Variants in ARID2 observed in about 807,000 individuals in gnomAD.
The protein encoded by ARID2 is AT-rich interactive domain-containing protein 2.
In ARID2, 32 loss-of-function variants were observed where a neutral mutation model predicts 184.6. The observed-to-expected ratio is 0.17, with a 90% CI of 0.13 to 0.23. The LOEUF is 0.23. Ranked by LOEUF, ARID2 falls within the 10% of genes least tolerant of loss-of-function variation. ARID2 has a pLI of 1.00. For synonymous variants in ARID2, 836 were observed against 772.6 expected (o/e 1.08, Z -1.36); for missense variants, 1,696 against 2,197.6 (o/e 0.77, Z 4.56).
chr12:45,734,016 A>G (rs563650586), intron 3 of ARID2, among the ~76,000 whole-genome samples: 12 of 152,348 alleles, frequency 7.9e-5, no homozygotes, highest in African/African-American at 2.9e-4. Flanking sequence ...GTGTACCCAC[A>G]AAAATTAAAA....
intron 3 of ARID2, among the ~76,000 whole-genome samples, chr12:45,782,291 A>T (rs1250142732): frequency 6.6e-6 from 1 of 152,138 alleles, no homozygotes; most frequent in African/African-American, 2.4e-5. Flanking sequence ...GGAGGAGATT[A>T]AAAAAATGAG....
At chr12:45,825,105 G>C (rs937269023) in intron 6 of ARID2, among the ~76,000 whole-genome samples, 1 of 151,890 alleles carries the variant, frequency 6.6e-6, no homozygotes, top group Non-Finnish European at 1.5e-5. Context: ...AGAGGGTGAT[G>C]TACAAAGAGA....
intron 3 of ARID2, among the ~76,000 whole-genome samples, chr12:45,790,244 A>G (rs1942271112): frequency 6.6e-6 from 1 of 152,142 alleles, no homozygotes; most frequent in Admixed American, 6.6e-5. Context: ...ATGATGCTTA[A>G]AAATACCTTA....
At position 45,824,514 on chromosome 12, in the gene ARID2, A is replaced by G. The variant is rs144508222; in HGVS notation, c.705+3027A>G. Among the ~76,000 whole-genome samples the G allele has an allele frequency of 7.2e-4, 110 of 152,218 alleles. No individual in the cohort carries two copies. The Middle Eastern group carries it at 0.017, about 24-fold the overall frequency. ...AAAGACTTACAAATGGCCAAAATAT[A>G]TATGAAAAATTGCTCAACATCACTA... On this transcript the variant is annotated intron_variant, in intron 6 of 20. Transcript: ENST00000334344.
At position 45,851,940 on chromosome 12, in the gene ARID2, CGAG is replaced by C. The variant is rs756380287; in HGVS notation, c.3821_3823del (p.Gly1274del). 29 of 1,613,986 alleles carry C rather than the reference CGAG, an allele frequency of 1.8e-5. No individual in the cohort carries two copies. Among genetic ancestry groups the C allele is most frequent in the Non-Finnish European group, 2.2e-5 (26 of 1,180,012 alleles). On this transcript the variant is annotated inframe_deletion, in exon 15 of 21. Transcript: ENST00000334344. ...AGTCATGGAGAACCCGTCCTGCCGA[CGAG>C]GAGCCACAAACACCAGCAATGGGGA...
intron 3 of ARID2, among the ~76,000 whole-genome samples, chr12:45,770,836 G>A (rs541256919): frequency 6.6e-6 from 1 of 152,280 alleles, no homozygotes; most frequent in East Asian, 1.9e-4. Context: ...TCAGAGAAAA[G>A]TGCACCAAAT....
intron 15 of ARID2, among the ~76,000 whole-genome samples, chr12:45,853,592 A>G (rs756416723): frequency 6.6e-6 from 1 of 152,216 alleles, no homozygotes; most frequent in Non-Finnish European, 1.5e-5. Flanking sequence ...CAATCAGGCT[A>G]TGAGGATTTT....
At chr12:45,770,644 C>T (rs576516108) in intron 3 of ARID2, among the ~76,000 whole-genome samples, 3 of 152,330 alleles carry the variant, frequency 2.0e-5, no homozygotes, top group East Asian at 3.9e-4. Context: ...AGTGGTCCCT[C>T]TCTCAGTGTG....
chr12:45,813,473 A>C (rs1592092825), intron 4 of ARID2, among the ~76,000 whole-genome samples: 1 of 151,398 alleles, frequency 6.6e-6, no homozygotes, highest in African/African-American at 2.4e-5. Context: ...AAAAAAAAAA[A>C]ACCACCAAAA....
chr12:45,731,046 AAC>A (rs934621660), intron 2 of ARID2, among the ~76,000 whole-genome samples, 169 bp from the exon 3 acceptor site: 5 of 151,902 alleles, frequency 3.3e-5, no homozygotes, highest in African/African-American at 9.7e-5. Flanking sequence ...CTCTGGTGAA[AAC>A]ACAGTGATTC....
At chr12:45,900,938 A>C (rs996749557) in intron 20 of ARID2, among the ~76,000 whole-genome samples, 2 of 149,002 alleles carry the variant, frequency 1.3e-5, no homozygotes, top group East Asian at 3.9e-4. Flanking sequence ...TGATCTCTTT[A>C]TTTCTGAATA....
At chr12:45,781,502 C>G (rs1253828569) in intron 3 of ARID2, among the ~76,000 whole-genome samples, 4 of 149,220 alleles carry the variant, frequency 2.7e-5, no homozygotes, top group Non-Finnish European at 3.0e-5. Flanking sequence ...TACTTGCTAG[C>G]CTTCCGGTAA....
chr12:45,733,100 C>T (rs547586140), intron 3 of ARID2, among the ~76,000 whole-genome samples: 1 of 152,146 alleles, frequency 6.6e-6, no homozygotes, highest in South Asian at 2.1e-4. Context: ...ACTTGTTTTT[C>T]CTCCATATGT....
rs202093863 is a variant in ARID2 at position 45,851,561 on chromosome 12, G to A, written c.3438G>A (p.Ser1146=). 742 of 1,614,056 alleles carry A rather than the reference G, an allele frequency of 4.6e-4. No homozygotes were observed. Among genetic ancestry groups the A allele is most frequent in the Non-Finnish European group, 5.8e-4 (686 of 1,179,982 alleles). The part of the protein sequence containing the change: ...PSGGVQTVPI[S]NLQILPGPLI... ...GGGGAGTACAAACTGTGCCCATTTC[G>A]AACTTACAAATATTGCCAGGTCCAC... The change falls in exon 15 of 21, where the codon TCG becomes TCA. Residue 1146 remains serine (S), a synonymous_variant. Coordinates refer to ENST00000334344, the MANE Select transcript of ARID2 (RefSeq NM_152641.4).
rs954044630 is a variant in ARID2, at chr12:45,904,378, C to T, written c.5364-556C>T. The T allele has an allele frequency of 4.2e-6, 3 of 715,484 alleles. No individual in the cohort carries two copies. The African/African-American group carries it at 5.3e-5, about 13-fold the overall frequency. 44.3% of individuals were successfully genotyped at this position (715,484 alleles called of 1,614,324 possible). A position where few individuals can be genotyped will look rare whatever the true frequency, so the allele number is the denominator to read the frequency against. On this transcript the variant is annotated intron_variant, in intron 20 of 20. Transcript: ENST00000334344. ...AAGATTGAAAAAGAATTTTGCTGTG[C>T]AGCCTTCCATATTTAGAAAGGTACT...
In ARID2 at chr12:45,851,535, G is replaced by A. The variant is rs776448384; in HGVS notation, c.3412G>A (p.Gly1138Arg). The change falls in exon 15 of 21, where the codon GGG becomes AGG. Residue 1138 changes from glycine to arginine, a missense_variant. By Grantham distance (125) the Gly-to-Arg change is moderately radical. Transcript: ENST00000334344. Reference sequence around the variant, plus strand: ...GGTCCCAAGTGCAATGCCACCCTCAGGGGGAGTACAAACTGTGCCCATTTC... The same window carrying A: ...GGTCCCAAGTGCAATGCCACCCTCAAGGGGAGTACAAACTGTGCCCATTTC... ...QLVPSAMPPS[G>R]GVQTVPISNL... The A allele has an allele frequency of 6.2e-7, 1 of 1,614,098 alleles. No individual in the cohort carries two copies. Among genetic ancestry groups the A allele is most frequent in the African/African-American group, 1.3e-5 (1 of 75,022 alleles).
At chr12:45,812,677 G>A (rs949165125) in intron 4 of ARID2, among the ~76,000 whole-genome samples, 5 of 152,144 alleles carry the variant, frequency 3.3e-5, no homozygotes, top group African/African-American at 9.7e-5. Flanking sequence ...ATAAAATGGG[G>A]TGACTTGTTA....
Position 45,893,728 on chromosome 12 carries a change from AAT to A in ARID2, c.5363+10_5363+11del, listed in dbSNP as rs367554746. On this transcript the variant is annotated splice_region_variant and intron_variant, in intron 20 of 20. Coordinates refer to ENST00000334344, the MANE Select transcript of ARID2 (RefSeq NM_152641.4). ...ATTCAGAATGTGGTCGCAGGTGAGT[AAT>A]ATGTTTTCTGTAGCCAAAGTGAATT... is the stretch of plus-strand genomic sequence containing the variant. 2 of 1,559,678 alleles carry A rather than the reference AAT, an allele frequency of 1.3e-6. No homozygotes were observed. Among genetic ancestry groups the A allele is most frequent in the African/African-American group, 1.4e-5 (1 of 72,442 alleles).
chr12:45,817,959 A>G, intron 5 of ARID2, 71 bp downstream of exon 5: 1 of 1,220,178 alleles, frequency 8.2e-7, no homozygotes, highest in Non-Finnish European at 1.1e-6. Context: ...TTAAGGAGAA[A>G]GTACTTTTTG....
Sources: allele counts gnomAD v4.1 joint callset (sites outside exome capture counted in the v4.1 genomes callset), GRCh38; gene constraint gnomAD v4.1.1; transcripts MANE v1.5; gene names NCBI Gene and HGNC (gene_info 2026-07-23, HGNC 2026-07-21).